Variants in CASQ1 observed in about 807,000 individuals in gnomAD.
CASQ1 encodes the protein calsequestrin 1.
CASQ1 carries 40 observed loss-of-function variants against 49.5 expected under a neutral mutation model. That is an observed-to-expected ratio of 0.81 (90% CI 0.63 to 1.05). The LOEUF (loss-of-function observed/expected upper bound fraction) is 1.05, where lower values mean the gene tolerates loss of function less well. Ranked by LOEUF, CASQ1 falls within the 50% of genes least tolerant of loss-of-function variation. The probability of loss-of-function intolerance (pLI) is 0.00; values close to 1 mark genes in which losing one functional copy is unlikely to be tolerated. For synonymous variants in CASQ1, 174 were observed against 187.2 expected, an observed-to-expected ratio of 0.93 and a Z score of 0.58; for missense variants, 469 against 486.9, an observed-to-expected ratio of 0.96 and a Z score of 0.35.
intron 10 of CASQ1, among the ~76,000 whole-genome samples, 192 bp from the exon 11 acceptor site, chr1:160,201,053 C>T (rs1187245545): frequency 7.9e-6 from 1 of 126,182 alleles, no homozygotes; most frequent in African/African-American, 3.0e-5. Flanking sequence ...TCCAACTTTT[C>T]TTCCCACTCT....
intron 8 of CASQ1, 109 bp from the exon 9 acceptor site, chr1:160,198,844 G>A: frequency 1.6e-6 from 2 of 1,215,292 alleles, no homozygotes; most frequent in Non-Finnish European, 2.4e-6. Context: ...ACAGCCTAGG[G>A]CTAGACATGT....
In CASQ1 at chr1:160,195,132, C is replaced by T; in HGVS notation, c.577+9C>T. Reference sequence around the variant, plus strand: ...GAGCAAAGACTCAGAGCGTGGGTAACCCTCAGACTCCACTGTGCCCCTCTC... The same window carrying T: ...GAGCAAAGACTCAGAGCGTGGGTAATCCTCAGACTCCACTGTGCCCCTCTC... On this transcript the variant is annotated intron_variant, in intron 4 of 10. Coordinates refer to ENST00000368078, the MANE Select transcript of CASQ1 (RefSeq NM_001231.5). The T allele has an allele frequency of 6.5e-7, 1 of 1,528,540 alleles. No individual in the cohort carries two copies. The highest frequency in any genetic ancestry group is 9.0e-7 in the Non-Finnish European group (1 of 1,109,244). 94.7% of individuals were successfully genotyped at this position (1,528,540 alleles called of 1,614,324 possible).
chr1:160,198,669 C>G lies in CASQ1; in HGVS notation c.829-8C>G, dbSNP rs1553192854. On this transcript the variant is annotated splice_region_variant and splice_polypyrimidine_tract_variant and intron_variant, in intron 7 of 10. Coordinates refer to ENST00000368078, the MANE Select transcript of CASQ1 (RefSeq NM_001231.5). ...CAAAACCCTGTTCTCCTTCTTACCC[C>G]CTGACAGGAGGATGATATGGATGGA... is the stretch of plus-strand genomic sequence containing the variant. 6.2e-7 allele frequency: 1 copy of G among 1,611,946 alleles called. No individual in the cohort carries two copies. Among genetic ancestry groups the G allele is most frequent in the Non-Finnish European group, 8.5e-7 (1 of 1,178,058 alleles).
At chr1:160,193,876 T>A in intron 3 of CASQ1, 29 bp downstream of exon 3, 1 of 1,531,812 alleles carries the variant, frequency 6.5e-7, no homozygotes, top group African/African-American at 1.4e-5. Context: ...CTGACGGCCT[T>A]GCTTGAAAAC....
Position 160,193,619 on chromosome 1 carries a change from A to G in CASQ1, c.365-128A>G, listed in dbSNP as rs1177979043. On this transcript the variant is annotated intron_variant, in intron 2 of 10. Transcript: ENST00000368078. ...AGGAGGTGGGTGGGGCAACGGGCCC[A>G]TGAGGTGGAGCATGTGGGGCCCCGG... 1.5e-5 allele frequency: 9 copies of G among 592,826 alleles called. No homozygotes were observed. The South Asian group carries it at 1.7e-4, about 11-fold the overall frequency. The allele number at this position is 592,826 out of a possible 1,614,324, so 36.7% of individuals were successfully genotyped here.
chr1:160,190,762 C>G lies in CASQ1; in HGVS notation c.11C>G (p.Thr4Arg). Reference protein sequence around the residue: MSATDRMGPRAVPG... With the variant: MSARDRMGPRAVPG... ...GATCCCACTACCTCCATGAGTGCTACAGACAGGATGGGGCCCAGAGCTGTG... is the reference window on the plus strand; with the variant it reads ...GATCCCACTACCTCCATGAGTGCTAGAGACAGGATGGGGCCCAGAGCTGTG... The change falls in exon 1 of 11, where the codon ACA (threonine) becomes AGA (arginine). Residue 4 changes from threonine (T) to arginine (R), a missense_variant. Transcript: ENST00000368078. The G allele has an allele frequency of 6.2e-7, 1 of 1,613,902 alleles. No homozygotes were observed. Among genetic ancestry groups the G allele is most frequent in the Non-Finnish European group, 8.5e-7 (1 of 1,179,840 alleles).
In CASQ1 at chr1:160,193,701, G is replaced by A. The variant is rs1042579497; in HGVS notation, c.365-46G>A. 4.5e-6 allele frequency: 5 copies of A among 1,098,902 alleles called. No individual in the cohort carries two copies. The African/African-American group carries it at 8.0e-5, about 18-fold the overall frequency. 68.1% of individuals were successfully genotyped at this position (1,098,902 alleles called of 1,614,324 possible). A position where few individuals can be genotyped will look rare whatever the true frequency, so the allele number is the denominator to read the frequency against. ...GGACCTTGAATCTGTGGGAAGCCTG[G>A]GATCATGGCTCACTACCCCACCCCT... On this transcript the variant is annotated intron_variant, in intron 2 of 10. Transcript: ENST00000368078.
At position 160,190,681 on chromosome 1, in the gene CASQ1, C is replaced by T. The variant is rs1313753674; in HGVS notation, c.-71C>T. On this transcript the variant is annotated 5_prime_UTR_variant, in exon 1 of 11. Transcript: ENST00000368078. ...TGAGCCCCTAACTCAGAATCTGGGACCCAGGGGCCCCTCCCTACCCCAGCT... is the reference window on the plus strand; with the variant it reads ...TGAGCCCCTAACTCAGAATCTGGGATCCAGGGGCCCCTCCCTACCCCAGCT... The T allele has an allele frequency of 1.3e-6, 2 of 1,484,330 alleles. No individual in the cohort carries two copies. Among genetic ancestry groups the T allele is most frequent in the Admixed American group, 2.0e-5 (1 of 50,446 alleles). The allele number at this position is 1,484,330 out of a possible 1,614,324, so 91.9% of individuals were successfully genotyped here.
chr1:160,193,399 G>T (rs74533844), intron 2 of CASQ1, among the ~76,000 whole-genome samples: 4 of 152,088 alleles, frequency 2.6e-5, no homozygotes, highest in Admixed American at 2.6e-4. Context: ...GTGCTCAGAG[G>T]GGGTGGCATG....
Position 160,195,931 on chromosome 1 carries a change from T to C in CASQ1, c.686T>C (p.Ile229Thr). ...AAGCTGACCCTGAAGCTGAATGAGA[T>C]TGATTTCTACGAGGCCTTCATGGAA... is the stretch of plus-strand genomic sequence containing the variant. ...AKKLTLKLNE[I>T]DFYEAFMEEP... Residue 229 changes from isoleucine (I) to threonine (T), a missense_variant, in exon 6 of 11, where the codon ATT becomes ACT. Physicochemically the swap from Ile to Thr is moderately conservative, Grantham distance 89. Coordinates refer to ENST00000368078, the MANE Select transcript of CASQ1 (RefSeq NM_001231.5). The C allele has an allele frequency of 6.2e-7, 1 of 1,614,004 alleles. No homozygotes were observed. Among genetic ancestry groups the C allele is most frequent in the Non-Finnish European group, 8.5e-7 (1 of 1,179,956 alleles).
chr1:160,191,908 C>T (rs1191688231), intron 1 of CASQ1, among the ~76,000 whole-genome samples: 3 of 152,198 alleles, frequency 2.0e-5, no homozygotes, highest in African/African-American at 7.2e-5. Flanking sequence ...TCATTTTGTG[C>T]ACCCCTGCTG....
intron 6 of CASQ1, among the ~76,000 whole-genome samples, chr1:160,196,480 T>C (rs560256227): frequency 7.2e-5 from 11 of 151,748 alleles, no homozygotes; most frequent in African/African-American, 2.4e-4. Flanking sequence ...TCTTCTTCTT[T>C]TTTTTTTTTT....
At chr1:160,192,968 T>C in intron 2 of CASQ1, 82 bp downstream of exon 2, 1 of 1,091,830 alleles carries the variant, frequency 9.2e-7, no homozygotes. Context: ...CAGGCAGTCC[T>C]TGGGATCCGA....
chr1:160,198,869 AG>A, intron 8 of CASQ1, 83 bp from the exon 9 acceptor site: 1 of 1,158,356 alleles, frequency 8.6e-7, no homozygotes, highest in Non-Finnish European at 1.3e-6. Context: ...CTTGGGGAGC[AG>A]GGAGGTAGCT....
rs1174717935 is a variant in CASQ1 at position 160,196,001 on chromosome 1, T to C, written c.756T>C (p.Ile252=). The change falls in exon 6 of 11, where the codon ATT becomes ATC. Residue 252 remains isoleucine, a synonymous_variant. Coordinates refer to ENST00000368078, the MANE Select transcript of CASQ1 (RefSeq NM_001231.5). ...IPDKPNSEEE[I]VNFVEEHRRS... is the part of the protein sequence containing the mutation. ...ACAAGCCCAATAGCGAAGAGGAGATTGTCAACTTCGTGGAGGAGCACAGGA... is the reference window on the plus strand; with the variant it reads ...ACAAGCCCAATAGCGAAGAGGAGATCGTCAACTTCGTGGAGGAGCACAGGA... 1.2e-6 allele frequency: 2 copies of C among 1,613,826 alleles called. No individual in the cohort carries two copies. The highest frequency in any genetic ancestry group is 8.5e-7 in the Non-Finnish European group (1 of 1,179,960).
At chr1:160,198,226 C>G (rs1020627099) in intron 7 of CASQ1, 2 of 165,576 alleles carry the variant, frequency 1.2e-5, no homozygotes, top group Admixed American at 1.1e-4. Context: ...ATATATATGG[C>G]CAGGCGCAGT....
rs1654051541 is a variant in CASQ1, at chr1:160,190,692, C to G, written c.-60C>G. The G allele has an allele frequency of 4.5e-6, 7 of 1,551,122 alleles. No homozygotes were observed. The highest frequency in any genetic ancestry group is 1.8e-5 in the Admixed American group (1 of 54,362). On this transcript the variant is annotated 5_prime_UTR_variant, in exon 1 of 11. Transcript: ENST00000368078. ...CTCAGAATCTGGGACCCAGGGGCCC[C>G]TCCCTACCCCAGCTAACCTCTTCTG...
chr1:160,193,567 C>A (rs983220884), intron 2 of CASQ1, among the ~76,000 whole-genome samples, 180 bp from the exon 3 acceptor site: 2 of 152,118 alleles, frequency 1.3e-5, no homozygotes, highest in Admixed American at 1.3e-4. Context: ...GGGGCAGAGA[C>A]CTCAGGCCTG....
chr1:160,196,143 T>C (rs1463819273), intron 6 of CASQ1, 116 bp downstream of exon 6: 3 of 968,066 alleles, frequency 3.1e-6, no homozygotes, highest in East Asian at 2.6e-5. Flanking sequence ...TGCCTGGAGA[T>C]GAATACACTT....
Sources: gnomAD v4.1 joint callset for allele counts (sites outside exome capture counted in the v4.1 genomes callset) on GRCh38, gnomAD v4.1.1 for gene constraint, MANE v1.5 for transcripts, NCBI Gene and HGNC (gene_info 2026-07-23, HGNC 2026-07-21) for gene names.